Variants in CTNND2 observed in about 807,000 individuals in gnomAD.
The protein encoded by CTNND2 is catenin delta 2.
Under a neutral mutation model 144.4 loss-of-function variants are expected in CTNND2, and 22 were observed. That is an observed-to-expected ratio of 0.15 (90% CI 0.11 to 0.22). The LOEUF (loss-of-function observed/expected upper bound fraction) is 0.22, where lower values mean the gene tolerates loss of function less well. Among genes scored for constraint, CTNND2 ranks in the 10% least tolerant of loss-of-function variants. CTNND2 has a pLI of 1.00. For synonymous variants in CTNND2, 751 were observed against 695.6 expected (o/e 1.08, Z -1.25); for missense variants, 1,353 against 1,618.8 (o/e 0.84, Z 2.82).
At chr5:10,975,440 G>C (rs963772890) in intron 21 of CTNND2, among the ~76,000 whole-genome samples, 2 of 152,102 alleles carry the variant, frequency 1.3e-5, no homozygotes, top group Admixed American at 6.6e-5. Context: ...TCATCTGTCT[G>C]TCTTCCTATC....
intron 9 of CTNND2, among the ~76,000 whole-genome samples, chr5:11,325,651 G>A (rs1752451423): frequency 6.6e-6 from 1 of 151,642 alleles, no homozygotes; most frequent in Non-Finnish European, 1.5e-5. Flanking sequence ...CTTGGTCAAG[G>A]GGACCCTACA....
intron 7 of CTNND2, among the ~76,000 whole-genome samples, chr5:11,372,167 A>G (rs1193174141): frequency 3.3e-5 from 5 of 152,208 alleles, no homozygotes; most frequent in Non-Finnish European, 7.3e-5. Context: ...GAATACTGTA[A>G]ACTATTGGGA....
chr5:11,316,642 T>TC (rs541556858), intron 9 of CTNND2, among the ~76,000 whole-genome samples: 257 of 148,220 alleles, frequency 1.7e-3, no homozygotes, highest in African/African-American at 5.9e-3. Context: ...CCCTCCCCCT[T>TC]CCCCCCACCC....
At chr5:11,437,243 A>G (rs1763855844) in intron 3 of CTNND2, among the ~76,000 whole-genome samples, 1 of 152,196 alleles carries the variant, frequency 6.6e-6, no homozygotes, top group Non-Finnish European at 1.5e-5. Context: ...ATCCTTGTAA[A>G]AGAAATAAAG....
In CTNND2 at chr5:11,893,599, C is replaced by T. The variant is rs1188731522; in HGVS notation, c.37+10218G>A. Among the ~76,000 whole-genome samples, 4 of 152,292 alleles carry T rather than the reference C, an allele frequency of 2.6e-5. No individual in the cohort carries two copies. In the East Asian group the frequency reaches 7.7e-4, roughly 29 times the overall value. On this transcript the variant is annotated intron_variant, in intron 1 of 21. Transcript: ENST00000304623. The stretch of plus-strand genomic sequence containing the variant: ...GTATTACCAAACTCCCAGCTCCTAG[C>T]TCATGAAAACATCCTCAGCTTCCAC...
intron 1 of CTNND2, among the ~76,000 whole-genome samples, chr5:11,883,117 T>C (rs1361460591): frequency 1.3e-5 from 2 of 152,144 alleles, no homozygotes; most frequent in African/African-American, 2.4e-5. Context: ...CTGCTCACTG[T>C]TGGGCATATA....
intron 2 of CTNND2, among the ~76,000 whole-genome samples, chr5:11,720,711 A>C (rs1786628081): frequency 6.6e-6 from 1 of 152,192 alleles, no homozygotes; most frequent in African/African-American, 2.4e-5. Flanking sequence ...TTTAAATATA[A>C]TATTTACATA....
At chr5:11,201,760 G>C (rs1209452155) in intron 10 of CTNND2, among the ~76,000 whole-genome samples, 1 of 152,120 alleles carries the variant, frequency 6.6e-6, no homozygotes, top group Non-Finnish European at 1.5e-5. Context: ...CAGCACCTGG[G>C]TAAGGGAGAC....
At chr5:11,799,607 C>T (rs1318224782) in intron 1 of CTNND2, among the ~76,000 whole-genome samples, 1 of 152,114 alleles carries the variant, frequency 6.6e-6, no homozygotes, top group African/African-American at 2.4e-5. Flanking sequence ...TAGGAAAAGA[C>T]ATTAGCTGTT....
At chr5:11,817,969 G>A (rs1023112264) in intron 1 of CTNND2, among the ~76,000 whole-genome samples, 9 of 133,038 alleles carry the variant, frequency 6.8e-5, no homozygotes, top group African/African-American at 1.7e-4. Flanking sequence ...GTGAAGATAC[G>A]TATTATGAGG....
intron 3 of CTNND2, among the ~76,000 whole-genome samples, chr5:11,526,844 A>C (rs1773291962): frequency 6.6e-6 from 1 of 152,208 alleles, no homozygotes; most frequent in African/African-American, 2.4e-5. Context: ...CCACGTGTCC[A>C]TCAACAGAGG....
At chr5:11,439,734 C>T (rs1021753359) in intron 3 of CTNND2, among the ~76,000 whole-genome samples, 11 of 142,252 alleles carry the variant, frequency 7.7e-5, no homozygotes, top group Non-Finnish European at 1.7e-4. Flanking sequence ...GCCCTCTCTG[C>T]TAGCTATATC....
intron 10 of CTNND2, among the ~76,000 whole-genome samples, chr5:11,208,145 T>C (rs956056595): frequency 2.6e-5 from 4 of 152,108 alleles, no homozygotes; most frequent in Non-Finnish European, 4.4e-5. Flanking sequence ...AGGAAATAAA[T>C]ATGTTATGAA....
intron 1 of CTNND2, among the ~76,000 whole-genome samples, chr5:11,820,144 G>T (rs1350303134): frequency 6.6e-6 from 1 of 152,166 alleles, no homozygotes; most frequent in East Asian, 1.9e-4. Context: ...ACTCAGATAC[G>T]AAACCCCATA....
intron 9 of CTNND2, among the ~76,000 whole-genome samples, chr5:11,299,126 TA>T (rs1213041033): frequency 6.6e-6 from 1 of 152,188 alleles, no homozygotes; most frequent in African/African-American, 2.4e-5. Context: ...GTCACCTCTT[TA>T]GGCTACCTTC....
At chr5:11,719,262 C>G (rs1318881312) in intron 2 of CTNND2, among the ~76,000 whole-genome samples, 1 of 152,160 alleles carries the variant, frequency 6.6e-6, no homozygotes, top group African/African-American at 2.4e-5. Context: ...GTCCTTAAAA[C>G]AAGATGGCAT....
chr5:11,808,493 T>C (rs1792132569), intron 1 of CTNND2, among the ~76,000 whole-genome samples: 1 of 152,252 alleles, frequency 6.6e-6, no homozygotes, highest in Admixed American at 6.5e-5. Flanking sequence ...AGTGCTTTTC[T>C]GCAGCTCTTG....
At chr5:11,017,603 C>CATAT (rs55835829) in intron 18 of CTNND2, among the ~76,000 whole-genome samples, 1,688 of 99,938 alleles carry the variant, frequency 0.017, 29 homozygotes, top group African/African-American at 0.078. Context: ...TATATCTTTC[C>CATAT]ATATATATAT....
Position 11,823,978 on chromosome 5 carries a change from G to C in CTNND2, c.37+79839C>G, listed in dbSNP as rs554213937. 4.6e-5 allele frequency among the ~76,000 whole-genome samples: 7 copies of C among 151,566 alleles called. No individual in the cohort carries two copies. The East Asian group carries it at 1.4e-3, about 30-fold the overall frequency. On this transcript the variant is annotated intron_variant, in intron 1 of 21. Coordinates refer to ENST00000304623, the MANE Select transcript of CTNND2 (RefSeq NM_001332.4). The stretch of plus-strand genomic sequence containing the variant: ...CAAAAATTAGCTGGGCATGGTGGCG[G>C]GATGCCTGTAATTCCAGCTACTCAG...
Sources: allele counts gnomAD v4.1 joint callset (sites outside exome capture counted in the v4.1 genomes callset), GRCh38; gene constraint gnomAD v4.1.1; transcripts MANE v1.5; gene names NCBI Gene and HGNC (gene_info 2026-07-23, HGNC 2026-07-21).